ATRNL1: variants seen among roughly 807,000 people sequenced by gnomAD.
The protein encoded by ATRNL1 is attractin-like protein 1.
Under a neutral mutation model 182.7 loss-of-function variants are expected in ATRNL1, and 95 were observed. The ratio of observed to expected loss-of-function variants is 0.52; its 90% CI spans 0.44 to 0.62. The LOEUF is 0.62. Among genes scored for constraint, ATRNL1 ranks in the 20% least tolerant of loss-of-function variants. The pLI is 0.00. For synonymous variants in ATRNL1, 576 were observed against 568.3 expected (o/e 1.01, Z -0.19); for missense variants, 1,471 against 1,679.5 (o/e 0.88, Z 2.17).
At chr10:115,698,738 ACTG>A (rs1480815902) in intron 26 of ATRNL1, among the ~76,000 whole-genome samples, 1 of 151,962 alleles carries the variant, frequency 6.6e-6, no homozygotes, top group Admixed American at 6.6e-5. Context: ...AGATGGTACC[ACTG>A]CATTCCAGCC....
chr10:115,811,814 A>G (rs1950052871), intron 27 of ATRNL1, among the ~76,000 whole-genome samples: 1 of 151,580 alleles, frequency 6.6e-6, no homozygotes, highest in Non-Finnish European at 1.5e-5. Flanking sequence ...TCTTTCTTTA[A>G]TTAAACATTT....
At chr10:115,415,854 A>G (rs1384898993) in intron 20 of ATRNL1, among the ~76,000 whole-genome samples, 4 of 151,998 alleles carry the variant, frequency 2.6e-5, no homozygotes, top group Non-Finnish European at 5.9e-5. Context: ...ATCATTTACT[A>G]GATTTTTAGC....
intron 5 of ATRNL1, among the ~76,000 whole-genome samples, chr10:115,135,483 G>A (rs1199885169): frequency 7.2e-5 from 11 of 152,130 alleles, no homozygotes; most frequent in Non-Finnish European, 1.5e-5. Context: ...TACAAGGGAC[G>A]TGAAGGACCT....
At chr10:115,683,548 GT>G (rs59383182) in intron 26 of ATRNL1, among the ~76,000 whole-genome samples, 11 of 110,956 alleles carry the variant, frequency 9.9e-5, no homozygotes, top group Admixed American at 3.5e-4. Flanking sequence ...GAGAACTAGC[GT>G]TTTTTTTTTT....
intron 26 of ATRNL1, among the ~76,000 whole-genome samples, chr10:115,704,555 A>C (rs1809287592): frequency 6.6e-6 from 1 of 151,934 alleles, no homozygotes; most frequent in Non-Finnish European, 1.5e-5. Flanking sequence ...TTCAGGATAC[A>C]TTTAATAATT....
At chr10:115,821,420 G>C (rs752776470) in intron 27 of ATRNL1, among the ~76,000 whole-genome samples, 60 of 151,546 alleles carry the variant, frequency 4.0e-4, no homozygotes, top group Non-Finnish European at 7.4e-4. Context: ...TCCATTTTTA[G>C]TGCTTCCACA....
At chr10:115,111,782 G>C (rs1554868139) in intron 1 of ATRNL1, among the ~76,000 whole-genome samples, 1 of 152,148 alleles carries the variant, frequency 6.6e-6, no homozygotes, top group East Asian at 1.9e-4. Flanking sequence ...AAGTCAGATA[G>C]ATAATGGTTA....
chr10:115,478,813 T>C (rs1848639763), intron 24 of ATRNL1, among the ~76,000 whole-genome samples: 1 of 151,722 alleles, frequency 6.6e-6, no homozygotes, highest in African/African-American at 2.4e-5. Context: ...AGTATTATAG[T>C]TTTGTCAAAA....
intron 3 of ATRNL1, among the ~76,000 whole-genome samples, chr10:115,124,576 C>T (rs1554872793): frequency 6.6e-6 from 1 of 152,152 alleles, no homozygotes; most frequent in East Asian, 1.9e-4. Flanking sequence ...CTCAAATCTC[C>T]AGCCCCTCCC....
intron 28 of ATRNL1, among the ~76,000 whole-genome samples, chr10:115,858,645 G>A (rs1378239089): frequency 6.6e-6 from 1 of 152,072 alleles, no homozygotes; most frequent in Non-Finnish European, 1.5e-5. Context: ...CATGGCACAC[G>A]TTTACCTATG....
chr10:115,785,050 T>A (rs533605591), intron 27 of ATRNL1, among the ~76,000 whole-genome samples: 2 of 152,268 alleles, frequency 1.3e-5, no homozygotes, highest in East Asian at 3.9e-4. Context: ...CATCTAAAAA[T>A]TCAAAAAGTC....
chr10:115,210,300 A>G (rs75013078), intron 8 of ATRNL1, among the ~76,000 whole-genome samples: 2,002 of 152,040 alleles, frequency 0.013, 41 homozygotes, highest in African/African-American at 0.046. Context: ...ACATGGATAT[A>G]ATCCTATGAT....
At chr10:115,826,425 C>G (rs1316716519) in intron 27 of ATRNL1, among the ~76,000 whole-genome samples, 1 of 152,104 alleles carries the variant, frequency 6.6e-6, no homozygotes, top group Non-Finnish European at 1.5e-5. Flanking sequence ...CTTTTTTACT[C>G]CAGCTGCCTG....
chr10:115,778,862 A>T (rs1555078578), intron 27 of ATRNL1, among the ~76,000 whole-genome samples: 1 of 152,212 alleles, frequency 6.6e-6, no homozygotes, highest in Admixed American at 6.5e-5. Context: ...TGAACCAAGG[A>T]CACTGAAGGA....
At chr10:115,511,672 A>G (rs1850393220) in intron 24 of ATRNL1, among the ~76,000 whole-genome samples, 1 of 151,916 alleles carries the variant, frequency 6.6e-6, no homozygotes, top group Non-Finnish European at 1.5e-5. Context: ...TTCTCTGTCC[A>G]AATGCATTTA....
At chr10:115,832,908 G>T (rs1475102792) in intron 27 of ATRNL1, among the ~76,000 whole-genome samples, 2 of 152,130 alleles carry the variant, frequency 1.3e-5, no homozygotes, top group Admixed American at 1.3e-4. Flanking sequence ...AAGATCTATG[G>T]TGAAGAGATG....
At chr10:115,571,793 TA>T (rs1854412737) in intron 26 of ATRNL1, among the ~76,000 whole-genome samples, 1 of 151,948 alleles carries the variant, frequency 6.6e-6, no homozygotes, top group African/African-American at 2.4e-5. Context: ...CTATTCCTAA[TA>T]AACTAATATT....
chr10:115,383,487 C>T (rs1858149863), intron 19 of ATRNL1, among the ~76,000 whole-genome samples: 1 of 151,596 alleles, frequency 6.6e-6, no homozygotes, highest in African/African-American at 2.4e-5. Flanking sequence ...GTGTATAAGA[C>T]TTGCAGACAT....
At chr10:115,132,768 T>A (rs1456248801) in intron 5 of ATRNL1, among the ~76,000 whole-genome samples, 1 of 152,232 alleles carries the variant, frequency 6.6e-6, no homozygotes, top group African/African-American at 2.4e-5. Flanking sequence ...ACCCACTTTT[T>A]GATGGGGTTG....
Sources: gnomAD v4.1 joint callset for allele counts (sites outside exome capture counted in the v4.1 genomes callset) on GRCh38, gnomAD v4.1.1 for gene constraint, MANE v1.5 for transcripts, NCBI Gene and HGNC (gene_info 2026-07-23, HGNC 2026-07-21) for gene names.